The following NRXN1 variants were observed in gnomAD, a reference collection of about 807,000 sequenced individuals.
The protein encoded by NRXN1 is neurexin 1.
Under a neutral mutation model 150.9 loss-of-function variants are expected in NRXN1, and 39 were observed. The observed-to-expected ratio is 0.26, with a 90% confidence interval of 0.20 to 0.34. The LOEUF (loss-of-function observed/expected upper bound fraction) is 0.34. Among genes scored for constraint, NRXN1 ranks in the 10% least tolerant of loss-of-function variants. The pLI, the probability that NRXN1 is intolerant of heterozygous loss-of-function variation, is 1.00. For missense variants in NRXN1, 1,815 were observed against 1,949.9 expected, an observed-to-expected ratio of 0.93 and a Z score of 1.30; for synonymous variants, 924 against 757.0, an observed-to-expected ratio of 1.22 and a Z score of -3.62.
chr2:50,559,165 T>C (rs2105380017), intron 8 of NRXN1, among the ~76,000 whole-genome samples: 1 of 152,336 alleles, frequency 6.6e-6, no homozygotes, highest in Admixed American at 6.5e-5. Context: ...TTCACCTAGC[T>C]GTTATCTTTC....
At chr2:49,990,179 G>A (rs1184924948) in intron 21 of NRXN1, among the ~76,000 whole-genome samples, 1 of 152,006 alleles carries the variant, frequency 6.6e-6, no homozygotes, top group Admixed American at 6.6e-5. Context: ...TCAGGGAAAG[G>A]CTGTTAGATT....
intron 12 of NRXN1, among the ~76,000 whole-genome samples, chr2:50,517,167 AC>A (rs2092654516): frequency 2.6e-5 from 4 of 152,146 alleles, no homozygotes; most frequent in Admixed American, 2.6e-4. Flanking sequence ...ATAACTCAAA[AC>A]TACTTTTAAT....
chr2:50,016,189 A>G (rs1483388160), intron 21 of NRXN1, among the ~76,000 whole-genome samples: 1 of 152,170 alleles, frequency 6.6e-6, no homozygotes, highest in African/African-American at 2.4e-5. Flanking sequence ...CTAGACTCAG[A>G]AAGTCCAGAC....
At chr2:50,872,437 T>A (rs576896592) in intron 5 of NRXN1, among the ~76,000 whole-genome samples, 1 of 151,376 alleles carries the variant, frequency 6.6e-6, no homozygotes, top group Non-Finnish European at 1.5e-5. Flanking sequence ...GAGCGAGTAG[T>A]GATATTGGGT....
At chr2:50,619,108 T>C (rs1679531170) in intron 8 of NRXN1, 1 of 152,180 alleles carries the variant, frequency 6.6e-6, no homozygotes, top group African/African-American at 2.4e-5. Context: ...CAAGTTTATA[T>C]GATTAAATTA....
chr2:51,025,526 A>G (rs1285397873), intron 2 of NRXN1, among the ~76,000 whole-genome samples: 1 of 152,176 alleles, frequency 6.6e-6, no homozygotes, highest in Non-Finnish European at 1.5e-5. Context: ...TCATTGTGTC[A>G]TATTTGTTTC....
At chr2:50,265,991 TATTATTA>T (rs1558408682) in intron 17 of NRXN1, among the ~76,000 whole-genome samples, 12 of 90,806 alleles carry the variant, frequency 1.3e-4, no homozygotes, top group South Asian at 9.5e-4. Flanking sequence ...TTATTATTAT[TATTATTA>T]TTTATTTTTT....
At chr2:50,750,505 T>C (rs867952181) in intron 5 of NRXN1, among the ~76,000 whole-genome samples, 1 of 151,960 alleles carries the variant, frequency 6.6e-6, no homozygotes, top group African/African-American at 2.4e-5. Flanking sequence ...GATGAGATAA[T>C]GGATGCAGCA....
At chr2:50,506,411 C>T (rs190101847) in intron 13 of NRXN1, 84 bp downstream of exon 13, 7 of 1,273,656 alleles carry the variant, frequency 5.5e-6, no homozygotes, top group East Asian at 5.0e-5. Flanking sequence ...AGTTGTGTAC[C>T]AGCCTTGGTG....
intron 19 of NRXN1, among the ~76,000 whole-genome samples, chr2:50,090,112 T>C (rs931881232): frequency 7.9e-5 from 12 of 152,212 alleles, no homozygotes; most frequent in Non-Finnish European, 1.5e-4. Flanking sequence ...TTTTATTACA[T>C]TTAATTCAGC....
intron 5 of NRXN1, among the ~76,000 whole-genome samples, chr2:50,864,003 G>C (rs1162875014): frequency 2.0e-5 from 3 of 151,956 alleles, no homozygotes; most frequent in African/African-American, 7.2e-5. Context: ...AGGACACCTG[G>C]ATAAGTCTTA....
chr2:49,929,981 T>C (rs751532858), intron 22 of NRXN1, among the ~76,000 whole-genome samples: 7 of 152,320 alleles, frequency 4.6e-5, no homozygotes, highest in Non-Finnish European at 1.0e-4. Flanking sequence ...AGGTTTCTGA[T>C]TGCAACTGCA....
At chr2:50,755,924 C>A (rs966868727) in intron 5 of NRXN1, among the ~76,000 whole-genome samples, 1 of 151,618 alleles carries the variant, frequency 6.6e-6, no homozygotes, top group African/African-American at 2.4e-5. Flanking sequence ...GCAGTGAAAT[C>A]GGGATAATGT....
At chr2:50,650,900 A>T (rs1191821980) in intron 5 of NRXN1, among the ~76,000 whole-genome samples, 2 of 152,044 alleles carry the variant, frequency 1.3e-5, no homozygotes, top group African/African-American at 4.8e-5. Flanking sequence ...GTATAAAAAT[A>T]AATAATAGAC....
At chr2:50,249,121 C>A (rs2066796266) in intron 17 of NRXN1, among the ~76,000 whole-genome samples, 1 of 148,936 alleles carries the variant, frequency 6.7e-6, no homozygotes, top group African/African-American at 2.5e-5. Context: ...CACATCACTG[C>A]ATTCCACCCT....
intron 13 of NRXN1, among the ~76,000 whole-genome samples, chr2:50,500,838 A>G (rs1453017836): frequency 6.6e-6 from 1 of 152,194 alleles, no homozygotes; most frequent in African/African-American, 2.4e-5. Flanking sequence ...TGTCGAGCAA[A>G]ATAACCCTCC....
At chr2:50,096,427 C>T (rs984909854) in intron 18 of NRXN1, among the ~76,000 whole-genome samples, 3 of 152,138 alleles carry the variant, frequency 2.0e-5, no homozygotes, top group African/African-American at 7.2e-5. Flanking sequence ...AACTTTCTTG[C>T]CAATGCGTAA....
intron 5 of NRXN1, among the ~76,000 whole-genome samples, chr2:50,651,531 T>C (rs1366436115): frequency 6.6e-6 from 1 of 151,540 alleles, no homozygotes; most frequent in Non-Finnish European, 1.5e-5. Context: ...TAACATAACA[T>C]AACATAAAAT....
intron 18 of NRXN1, among the ~76,000 whole-genome samples, chr2:50,118,021 A>C (rs866278003): frequency 2.0e-5 from 3 of 152,168 alleles, no homozygotes; most frequent in South Asian, 4.1e-4. Flanking sequence ...CTTCTATTGT[A>C]AGAACTATGT....
Sources: gnomAD v4.1 joint callset for allele counts (sites outside exome capture counted in the v4.1 genomes callset) on GRCh38, gnomAD v4.1.1 for gene constraint, MANE v1.5 for transcripts, NCBI Gene and HGNC (gene_info 2026-07-23, HGNC 2026-07-21) for gene names.